The following EML4 variants were observed in gnomAD, a reference collection of about 807,000 sequenced individuals.
The protein encoded by EML4 is echinoderm microtubule-associated protein-like 4.
In EML4, 72 loss-of-function variants were observed where a neutral mutation model predicts 129.0. The ratio of observed to expected loss-of-function variants is 0.56; its 90% CI spans 0.46 to 0.68. EML4 has a LOEUF of 0.68. Among genes scored for constraint, EML4 ranks in the 30% least tolerant of loss-of-function variants. The pLI, the probability that EML4 is intolerant of heterozygous loss-of-function variation, is 0.00. For missense variants in EML4, 1,363 were observed against 1,190.6 expected (o/e 1.14, Z -2.13); for synonymous variants, 532 against 405.0 (o/e 1.31, Z -3.77).
rs867036880 is a variant in EML4 at position 42,315,494 on chromosome 2, A to G, written c.1968-468A>G. On this transcript the variant is annotated intron_variant, in intron 17 of 22. Transcript: ENST00000318522. ...TATATTTATGTATATTTTATCTAGC[A>G]GCATTTTGCTAAATGAATTTATCCT... 3.3e-5 allele frequency among the ~76,000 whole-genome samples: 5 copies of G among 152,356 alleles called. No individual in the cohort carries two copies. The South Asian group carries it at 1.0e-3, about 32-fold the overall frequency.
chr2:42,329,133 A>G, intron 22 of EML4, 117 bp downstream of exon 22: 1 of 965,156 alleles, frequency 1.0e-6, no homozygotes, highest in African/African-American at 1.6e-5. Context: ...CAGTGCACAG[A>G]GGGAGATAAG....
intron 1 of EML4, among the ~76,000 whole-genome samples, chr2:42,173,440 A>G (rs1456407831): frequency 1.3e-5 from 2 of 152,190 alleles, no homozygotes; most frequent in South Asian, 2.1e-4. Context: ...GTGTTTTTCA[A>G]CATATGTATG....
At chr2:42,317,333 A>T in intron 18 of EML4, 94 bp from the exon 19 acceptor site, 1 of 806,326 alleles carries the variant, frequency 1.2e-6, no homozygotes, top group Non-Finnish European at 2.0e-6. Context: ...AGTTAAATTG[A>T]TGAGATTTAA....
chr2:42,196,688 G>A (rs965576946), intron 1 of EML4, among the ~76,000 whole-genome samples: 3 of 152,204 alleles, frequency 2.0e-5, no homozygotes, highest in African/African-American at 7.2e-5. Flanking sequence ...TTTCTATGCA[G>A]TAACGTAATT....
chr2:42,177,760 T>G (rs780805337), intron 1 of EML4, among the ~76,000 whole-genome samples: 1 of 152,172 alleles, frequency 6.6e-6, no homozygotes, highest in Non-Finnish European at 1.5e-5. Flanking sequence ...CAAGTACAAG[T>G]CATGTGCATG....
intron 2 of EML4, among the ~76,000 whole-genome samples, chr2:42,252,098 A>G (rs1675811942): frequency 6.6e-6 from 1 of 152,232 alleles, no homozygotes; most frequent in South Asian, 2.1e-4. Context: ...AGAAGATAAT[A>G]TGTACCGGAG....
intron 2 of EML4, among the ~76,000 whole-genome samples, chr2:42,254,746 G>A (rs1471456455): frequency 6.6e-6 from 1 of 151,650 alleles, no homozygotes; most frequent in Non-Finnish European, 1.5e-5. Context: ...TCAATAAGTT[G>A]AACATACAAC....
intron 1 of EML4, among the ~76,000 whole-genome samples, chr2:42,228,095 C>T (rs893056814): frequency 2.0e-5 from 3 of 152,090 alleles, no homozygotes; most frequent in Non-Finnish European, 4.4e-5. Flanking sequence ...GTGTCACGCA[C>T]CTATAATCCC....
intron 2 of EML4, among the ~76,000 whole-genome samples, chr2:42,251,663 A>G (rs1675776178): frequency 6.6e-6 from 1 of 152,220 alleles, no homozygotes; most frequent in Non-Finnish European, 1.5e-5. Context: ...GAAAATGAGG[A>G]GTGGAAGAAG....
chr2:42,325,584 TA>T, intron 20 of EML4, 30 bp downstream of exon 20: 1 of 394,756 alleles, frequency 2.5e-6, no homozygotes, highest in East Asian at 5.8e-5. Flanking sequence ...TATATATATA[TA>T]TATGCTATGA....
chr2:42,265,710 C>G (rs190893524), intron 6 of EML4, among the ~76,000 whole-genome samples: 1 of 152,132 alleles, frequency 6.6e-6, no homozygotes, highest in Non-Finnish European at 1.5e-5. Context: ...AGTTTCCTGT[C>G]TTGCCAACTT....
intron 3 of EML4, among the ~76,000 whole-genome samples, chr2:42,259,687 C>T (rs1437928683): frequency 3.3e-5 from 5 of 150,292 alleles, no homozygotes; most frequent in South Asian, 2.1e-4. Context: ...TATGTTAGAA[C>T]GCATCTCTCT....
At chr2:42,259,702 A>G (rs1324629068) in intron 3 of EML4, among the ~76,000 whole-genome samples, 4 of 143,722 alleles carry the variant, frequency 2.8e-5, no homozygotes, top group East Asian at 4.0e-4. Flanking sequence ...CTCTCTTTCT[A>G]TGATTTTGTT....
chr2:42,252,064 C>G (rs1218433667), intron 2 of EML4, among the ~76,000 whole-genome samples: 2 of 152,054 alleles, frequency 1.3e-5, no homozygotes, highest in Non-Finnish European at 1.5e-5. Flanking sequence ...TTTAGAGAGA[C>G]AGATTGGGAT....
intron 1 of EML4, among the ~76,000 whole-genome samples, chr2:42,178,458 C>T (rs552915805): frequency 2.0e-5 from 3 of 151,804 alleles, no homozygotes; most frequent in Non-Finnish European, 4.4e-5. Context: ...GTGAGAGGAT[C>T]GCTTGAGCCC....
chr2:42,301,281 C>T lies in EML4; in HGVS notation c.1530C>T (p.Gly510=), dbSNP rs772439622. 27 of 1,612,538 alleles carry T rather than the reference C, an allele frequency of 1.7e-5. No homozygotes were observed. The highest frequency in any genetic ancestry group is 2.1e-5 in the Non-Finnish European group (25 of 1,179,368). The part of the protein sequence containing the change: ...QISKQIKAHD[G]SVFTLCQMRN... ...GCAAACAAATCAAAGCTCATGATGGCAGTGTGTTCACACTTTGTCAGATGA... is the reference window on the plus strand; with the variant it reads ...GCAAACAAATCAAAGCTCATGATGGTAGTGTGTTCACACTTTGTCAGATGA... The change falls in exon 14 of 23, where the codon GGC becomes GGT. Residue 510 remains glycine (G), a synonymous_variant. Coordinates refer to ENST00000318522, the MANE Select transcript of EML4 (RefSeq NM_019063.5).
intron 1 of EML4, among the ~76,000 whole-genome samples, chr2:42,229,535 C>CT (rs1394826178): frequency 1.3e-5 from 2 of 151,994 alleles, no homozygotes; most frequent in Non-Finnish European, 2.9e-5. Flanking sequence ...AGATAACTGT[C>CT]TTGCAAGAGT....
At chr2:42,324,811 GT>G (rs922367130) in intron 19 of EML4, among the ~76,000 whole-genome samples, 2 of 152,172 alleles carry the variant, frequency 1.3e-5, no homozygotes, top group South Asian at 2.1e-4. Flanking sequence ...GTGTTTCGTA[GT>G]TTTTTTGTTT....
At chr2:42,233,954 A>G (rs568501531) in intron 1 of EML4, among the ~76,000 whole-genome samples, 1 of 152,368 alleles carries the variant, frequency 6.6e-6, no homozygotes, top group East Asian at 1.9e-4. Context: ...ATTGTTAACC[A>G]GTTTAAAGAA....
Sources: allele counts gnomAD v4.1 joint callset (sites outside exome capture counted in the v4.1 genomes callset), GRCh38; gene constraint gnomAD v4.1.1; transcripts MANE v1.5; gene names NCBI Gene and HGNC (gene_info 2026-07-23, HGNC 2026-07-21).